The following CDH11 variants were observed in gnomAD, a reference collection of about 807,000 sequenced individuals.
CDH11 encodes cadherin 11, also known as cadherin-11.
Under a neutral mutation model 67.8 loss-of-function variants are expected in CDH11, and 11 were observed. The observed-to-expected ratio is 0.16, with a 90% CI of 0.10 to 0.27. The LOEUF (loss-of-function observed/expected upper bound fraction) is 0.27, where lower values mean the gene tolerates loss of function less well. Ranked by LOEUF, CDH11 falls within the 10% of genes least tolerant of loss-of-function variation. The pLI is 1.00. For synonymous variants in CDH11, 419 were observed against 400.0 expected, an observed-to-expected ratio of 1.05 and a Z score of -0.57; for missense variants, 847 against 1,031.2, an observed-to-expected ratio of 0.82 and a Z score of 2.45.
intron 1 of CDH11, among the ~76,000 whole-genome samples, chr16:65,084,570 G>A (rs772387758): frequency 6.6e-6 from 1 of 152,116 alleles, no homozygotes; most frequent in East Asian, 1.9e-4. Flanking sequence ...CAACAAGGAG[G>A]GAATCATATA....
chr16:65,015,014 A>ATTT (rs1003182595), intron 2 of CDH11, among the ~76,000 whole-genome samples: 11 of 93,338 alleles, frequency 1.2e-4, no homozygotes, highest in Non-Finnish European at 1.7e-4. Context: ...TGCCTGGCTA[A>ATTT]TTTATTATTA....
intron 2 of CDH11, among the ~76,000 whole-genome samples, chr16:65,025,776 T>G (rs1449841968): frequency 1.3e-5 from 2 of 152,244 alleles, no homozygotes; most frequent in African/African-American, 4.8e-5. Context: ...TGCCAGATCC[T>G]GCAGCAGGTT....
intron 7 of CDH11, chr16:64,982,865 A>C (rs555319991): frequency 6.6e-6 from 1 of 152,660 alleles, no homozygotes; most frequent in South Asian, 2.1e-4. Context: ...TTTATAGGTA[A>C]TTTGATAGGT....
intron 2 of CDH11, among the ~76,000 whole-genome samples, chr16:65,007,615 A>G (rs2073088021): frequency 1.3e-5 from 2 of 152,146 alleles, no homozygotes; most frequent in Non-Finnish European, 2.9e-5. Context: ...GATTTGGTGG[A>G]GAATCTGGCA....
At chr16:65,054,551 G>A (rs1597139717) in intron 1 of CDH11, among the ~76,000 whole-genome samples, 1 of 152,194 alleles carries the variant, frequency 6.6e-6, no homozygotes, top group South Asian at 2.1e-4. Flanking sequence ...TGTTCTGCTT[G>A]GATTCTGGTC....
intron 4 of CDH11, 78 bp from the exon 5 acceptor site, chr16:64,993,112 A>G (rs1278558834): frequency 2.4e-6 from 3 of 1,257,314 alleles, no homozygotes; most frequent in African/African-American, 1.5e-5. Context: ...GTTTTATTCT[A>G]AAATTAACCC....
chr16:64,973,765 C>G (rs2072078697), intron 8 of CDH11, among the ~76,000 whole-genome samples: 1 of 151,964 alleles, frequency 6.6e-6, no homozygotes. Context: ...AAGATCATGC[C>G]ACTGCACTCC....
chr16:65,035,028 A>C (rs2073724152), intron 2 of CDH11, among the ~76,000 whole-genome samples: 1 of 152,204 alleles, frequency 6.6e-6, no homozygotes, highest in Non-Finnish European at 1.5e-5. Flanking sequence ...AGAGGCCTGA[A>C]GGTCAGCAGG....
At chr16:65,063,306 C>G (rs923529968) in intron 1 of CDH11, among the ~76,000 whole-genome samples, 6 of 151,996 alleles carry the variant, frequency 3.9e-5, no homozygotes, top group African/African-American at 1.4e-4. Flanking sequence ...GTTACTTTTA[C>G]TAACTCCATT....
intron 11 of CDH11, among the ~76,000 whole-genome samples, chr16:64,968,842 G>A (rs1287087703): frequency 6.6e-6 from 1 of 152,122 alleles, no homozygotes; most frequent in Non-Finnish European, 1.5e-5. Context: ...AATAGGATAT[G>A]GAATGTGATT....
chr16:65,079,523 G>T (rs547961476), intron 1 of CDH11, among the ~76,000 whole-genome samples: 2 of 152,268 alleles, frequency 1.3e-5, no homozygotes, highest in East Asian at 3.9e-4. Flanking sequence ...GTGTGTGTGC[G>T]TGTTCCAATC....
chr16:65,032,752 A>G (rs1597114320), intron 2 of CDH11, among the ~76,000 whole-genome samples: 1 of 152,214 alleles, frequency 6.6e-6, no homozygotes, highest in East Asian at 1.9e-4. Flanking sequence ...CCTCTGTGAA[A>G]TTAAGGGCAT....
At chr16:65,069,291 A>G (rs138163479) in intron 1 of CDH11, among the ~76,000 whole-genome samples, 24 of 152,348 alleles carry the variant, frequency 1.6e-4, no homozygotes, top group Middle Eastern at 3.4e-3. Flanking sequence ...CTCGACTCCA[A>G]TTACAATAAT....
At chr16:64,956,443 C>A (rs138429810) in intron 11 of CDH11, among the ~76,000 whole-genome samples, 37 of 152,320 alleles carry the variant, frequency 2.4e-4, no homozygotes, top group African/African-American at 8.9e-4. Context: ...AATGTAATTG[C>A]CTATGCAGAA....
At position 64,991,845 on chromosome 16, in the gene CDH11, A is replaced by G. The variant is rs1224181211; in HGVS notation, c.734T>C (p.Met245Thr). 34 of 1,613,838 alleles carry G rather than the reference A, an allele frequency of 2.1e-5. No individual in the cohort carries two copies. Among genetic ancestry groups the G allele is most frequent in the Non-Finnish European group, 2.9e-5 (34 of 1,179,896 alleles). The stretch of plus-strand genomic sequence containing the variant: ...TTTGGTTGTCCCTGAGAGTCCGCCC[A>G]TATGTCCACCCATGTCCTTGGCCTG... ...VIQAKDMGGH[M>T]GGLSGTTKVT... Residue 245 changes from methionine (M) to threonine (T), a missense_variant, in exon 6 of 13, where the codon ATG becomes ACG. Met to Thr is a moderately conservative substitution (Grantham distance 81). Coordinates refer to ENST00000268603, the MANE Select transcript of CDH11 (RefSeq NM_001797.4).
intron 2 of CDH11, among the ~76,000 whole-genome samples, chr16:65,048,961 C>G (rs1178403725): frequency 6.6e-6 from 1 of 151,922 alleles, no homozygotes; most frequent in Non-Finnish European, 1.5e-5. Flanking sequence ...AACACAAAAT[C>G]AAATACTGCA....
chr16:65,107,477 G>A (rs1363228405), intron 1 of CDH11, among the ~76,000 whole-genome samples: 6 of 152,138 alleles, frequency 3.9e-5, no homozygotes, highest in Non-Finnish European at 8.8e-5. Flanking sequence ...ACTCACAGGA[G>A]TACTCTCCCT....
chr16:65,045,442 A>ATAAACTC (rs1567546389), intron 2 of CDH11, among the ~76,000 whole-genome samples: 1 of 148,856 alleles, frequency 6.7e-6, no homozygotes, highest in Non-Finnish European at 1.5e-5. Flanking sequence ...CCTAGAAAAG[A>ATAAACTC]TAAACTCACT....
At chr16:64,976,475 A>G (rs2072170198) in intron 8 of CDH11, among the ~76,000 whole-genome samples, 1 of 152,226 alleles carries the variant, frequency 6.6e-6, no homozygotes, top group Non-Finnish European at 1.5e-5. Context: ...CAAGGCCTCC[A>G]TTATATGTCC....
Sources: allele counts gnomAD v4.1 joint callset (sites outside exome capture counted in the v4.1 genomes callset), GRCh38; gene constraint gnomAD v4.1.1; transcripts MANE v1.5; gene names NCBI Gene and HGNC (gene_info 2026-07-23, HGNC 2026-07-21).